Variants in FAM20C observed in about 807,000 individuals in gnomAD.
FAM20C encodes the protein extracellular serine/threonine protein kinase FAM20C.
A neutral mutation model predicts 51.5 loss-of-function variants in FAM20C; 40 were observed. That is an observed-to-expected ratio of 0.78 (90% CI 0.60 to 1.01). The LOEUF is 1.01. Ranked by LOEUF, FAM20C falls within the 50% of genes least tolerant of loss-of-function variation. FAM20C has a pLI of 0.00. For missense variants in FAM20C, 861 were observed against 844.7 expected, an observed-to-expected ratio of 1.02 and a Z score of -0.24; for synonymous variants, 406 against 380.6, an observed-to-expected ratio of 1.07 and a Z score of -0.78.
intron 3 of FAM20C, among the ~76,000 whole-genome samples, chr7:243,938 A>T (rs575238542): frequency 0.16 from 18,430 of 112,558 alleles, 1,488 homozygotes; most frequent in African/African-American, 0.28. Context: ...TAATAATAAT[A>T]ATAATAATTA....
intron 3 of FAM20C, among the ~76,000 whole-genome samples, chr7:234,196 A>T (rs1787782348): frequency 1.3e-5 from 2 of 152,246 alleles, no homozygotes; most frequent in South Asian, 4.1e-4. Flanking sequence ...CTCGGCCGCC[A>T]GGATTTCACC....
intron 5 of FAM20C, among the ~76,000 whole-genome samples, chr7:249,177 C>T (rs376064753): frequency 0.39 from 58,922 of 151,898 alleles, 11,490 homozygotes; most frequent in Middle Eastern, 0.47. Flanking sequence ...CCCACTCGGA[C>T]TTAAACACAC....
intron 3 of FAM20C, among the ~76,000 whole-genome samples, chr7:241,577 T>TGC (rs1301435429): frequency 2.8e-4 from 42 of 151,932 alleles, no homozygotes; most frequent in African/African-American, 1.0e-3. Context: ...TGTGTGTGTG[T>TGC]GTGCACTCCT....
At chr7:248,196 G>T in intron 4 of FAM20C, 119 bp from the exon 5 acceptor site, 1 of 664,980 alleles carries the variant, frequency 1.5e-6, no homozygotes, top group Admixed American at 2.8e-5. Context: ...GGACACAGAG[G>T]CCCGCTGAGC....
rs1788821677 is a variant in FAM20C, at chr7:260,067, AT to A, written c.*89del. ...CATGCGCCCGTCGTGAATTCAGTGA[AT>A]TCAGAGGCAGGACGGGATCATCCGG... is the stretch of plus-strand genomic sequence containing the variant. On this transcript the variant is annotated 3_prime_UTR_variant, in exon 10 of 10. Transcript: ENST00000313766. 1 of 1,417,594 alleles carries A rather than the reference AT, an allele frequency of 7.1e-7. No homozygotes were observed. The highest frequency in any genetic ancestry group is 2.6e-5 in the Admixed American group (1 of 37,832). The allele number at this position is 1,417,594 out of a possible 1,614,324, so 87.8% of individuals were successfully genotyped here.
chr7:194,196 C>G (rs1297543384), intron 1 of FAM20C: 2 of 203,424 alleles, frequency 9.8e-6, no homozygotes, highest in East Asian at 2.2e-4. Flanking sequence ...GGGTGGGCAC[C>G]TTGGAGAAGG....
chr7:236,599 G>A (rs886701627), intron 3 of FAM20C, among the ~76,000 whole-genome samples: 20 of 152,172 alleles, frequency 1.3e-4, no homozygotes, highest in African/African-American at 3.9e-4. Context: ...GGGCCACCCA[G>A]CAAGCACTCT....
chr7:218,065 G>A lies in FAM20C; in HGVS notation c.863+9089G>A, dbSNP rs377450823. On this transcript the variant is annotated intron_variant, in intron 3 of 9. Transcript: ENST00000313766. ...AGGAGTGGTGGGGTAGGGGTTGGAC[G>A]CTCAGGCCTGCTGCCTGTGGGCTGG... is the stretch of plus-strand genomic sequence containing the variant. Among the ~76,000 whole-genome samples, 21 of 152,274 alleles carry A rather than the reference G, an allele frequency of 1.4e-4. No homozygotes were observed. The South Asian group carries it at 4.1e-3, about 30-fold the overall frequency.
intron 3 of FAM20C, among the ~76,000 whole-genome samples, chr7:214,869 T>C (rs1346358117): frequency 6.6e-6 from 1 of 152,114 alleles, no homozygotes; most frequent in Non-Finnish European, 1.5e-5. Context: ...CCCATGACAC[T>C]GGCTGTGACC....
At chr7:200,686 G>A (rs1196137087) in intron 2 of FAM20C, among the ~76,000 whole-genome samples, 8 of 152,232 alleles carry the variant, frequency 5.3e-5, no homozygotes, top group African/African-American at 1.9e-4. Flanking sequence ...GAAGAAAATC[G>A]TGGAATAAAT....
intron 3 of FAM20C, among the ~76,000 whole-genome samples, chr7:210,010 C>T (rs148323759): frequency 1.3e-3 from 205 of 152,208 alleles, no homozygotes; most frequent in African/African-American, 4.6e-3. Flanking sequence ...CCCGGGGCTG[C>T]CGGGAGCCGG....
intron 3 of FAM20C, among the ~76,000 whole-genome samples, chr7:214,218 G>A (rs1583297727): frequency 6.6e-6 from 1 of 152,136 alleles, no homozygotes; most frequent in African/African-American, 2.4e-5. Context: ...CCAGCTACTC[G>A]GGAGGCTGAG....
intron 3 of FAM20C, among the ~76,000 whole-genome samples, chr7:215,233 G>GT (rs947273936): frequency 2.4e-5 from 3 of 126,438 alleles, no homozygotes; most frequent in Non-Finnish European, 3.6e-5. Flanking sequence ...CCAGCTGGGG[G>GT]GGGGAGCAGG....
At chr7:224,103 CTT>C (rs1275112803) in intron 3 of FAM20C, among the ~76,000 whole-genome samples, 1 of 135,864 alleles carries the variant, frequency 7.4e-6, no homozygotes, top group Non-Finnish European at 1.7e-5. Flanking sequence ...TCCCCTGAGC[CTT>C]CTCTCACAGA....
At chr7:234,062 G>T (rs1401429300) in intron 3 of FAM20C, among the ~76,000 whole-genome samples, 1 of 152,208 alleles carries the variant, frequency 6.6e-6, no homozygotes, top group Non-Finnish European at 1.5e-5. Context: ...CCCCCTGGGG[G>T]CTGCCTTCCT....
At chr7:204,338 G>A (rs1454672566) in intron 2 of FAM20C, among the ~76,000 whole-genome samples, 2 of 152,170 alleles carry the variant, frequency 1.3e-5, no homozygotes, top group Admixed American at 6.5e-5. Context: ...AATGAGATTC[G>A]TTGCTGCTTC....
Position 193,625 on chromosome 7 carries a change from C to G in FAM20C, c.426C>G (p.Asp142Glu). Residue 142 changes from aspartate (D) to glutamate (E), a missense_variant, in exon 1 of 10, where the codon GAC (aspartate) becomes GAG (glutamate). Asp to Glu is a conservative substitution (Grantham distance 45). This residue lies in a region of FAM20C where 561 missense variants were observed against 499.8 expected (regional missense o/e 1.12). Transcript: ENST00000313766. ...HDPAHRPLLRDPGPRRSESPP... is the reference protein window; with the variant it reads ...HDPAHRPLLREPGPRRSESPP... ...CCGCGCACCGGCCGCTGCTGCGAGA[C>G]CCCGGCCCGCGTCGGTCCGAGTCGC... 6.5e-7 allele frequency: 1 copy of G among 1,538,986 alleles called. No individual in the cohort carries two copies. The highest frequency in any genetic ancestry group is 1.9e-4 in the Middle Eastern group (1 of 5,278).
At chr7:195,404 C>T (rs1047678208) in intron 1 of FAM20C, 150 bp from the exon 2 acceptor site, 1 of 621,900 alleles carries the variant, frequency 1.6e-6, no homozygotes, top group Non-Finnish European at 2.4e-6. Context: ...GCAGACGTTG[C>T]AGGGCCCTCT....
At chr7:232,362 TC>T (rs1332972162) in intron 3 of FAM20C, among the ~76,000 whole-genome samples, 1 of 152,136 alleles carries the variant, frequency 6.6e-6, no homozygotes, top group African/African-American at 2.4e-5. Context: ...TCCAGGGACA[TC>T]CCGTGGCTCC....
Sources: gnomAD v4.1 joint callset for allele counts (sites outside exome capture counted in the v4.1 genomes callset) on GRCh38, gnomAD v4.1.1 for gene constraint, gnomAD v4.1.1 regional missense constraint, MANE v1.5 for transcripts, NCBI Gene and HGNC (gene_info 2026-07-23, HGNC 2026-07-21) for gene names.